Variants in SPDYE1 observed in about 807,000 individuals in gnomAD.
The protein encoded by SPDYE1 is speedy/RINGO cell cycle regulator family member E1.
SPDYE1 carries 29 observed loss-of-function variants against 45.9 expected under a neutral mutation model. The ratio of observed to expected loss-of-function variants is 0.63; its 90% confidence interval spans 0.47 to 0.86. The LOEUF is 0.86. SPDYE1 is among the 40% of genes least tolerant of loss of function. The pLI is 0.00. For missense variants in SPDYE1, 346 were observed against 481.4 expected, an observed-to-expected ratio of 0.72 and a Z score of 2.63; for synonymous variants, 134 against 176.8, an observed-to-expected ratio of 0.76 and a Z score of 1.92.
intron 6 of SPDYE1, among the ~76,000 whole-genome samples, chr7:44,006,108 C>T (rs1351509458): frequency 1.3e-5 from 2 of 152,174 alleles, no homozygotes; most frequent in Non-Finnish European, 2.9e-5. Flanking sequence ...TCAATTCTAC[C>T]CTCTCTACAA....
In SPDYE1 at chr7:44,007,344, C is replaced by A. The variant is rs556611541; in HGVS notation, c.829C>A (p.Arg277Ser). Residue 277 changes from arginine to serine, a missense_variant, in exon 7 of 9, where the codon CGC becomes AGC. Coordinates refer to ENST00000693451, the MANE Select transcript of SPDYE1 (RefSeq NM_001378423.2). ...NIFHFLYGKN[R>S]SRIPLLRKRR... ...CTTCCACTTCCTGTATGGGAAGAAC[C>A]GCTCTCGCATACCCTTGCTCCGTAA... is the stretch of plus-strand genomic sequence containing the variant. 5 of 1,613,002 alleles carry A rather than the reference C, an allele frequency of 3.1e-6. No homozygotes were observed. Among genetic ancestry groups the A allele is most frequent in the Non-Finnish European group, 4.2e-6 (5 of 1,179,620 alleles).
chr7:44,008,185 G>A (rs1376875862), intron 8 of SPDYE1, among the ~76,000 whole-genome samples: 1 of 152,208 alleles, frequency 6.6e-6, no homozygotes. Context: ...TGAAGCTTTG[G>A]TTTACATCTT....
At chr7:43,999,111 C>T (rs1585927198) in intron 1 of SPDYE1, among the ~76,000 whole-genome samples, 2 of 152,052 alleles carry the variant, frequency 1.3e-5, no homozygotes, top group African/African-American at 4.8e-5. Flanking sequence ...GTTTCTTAGC[C>T]GAACTGGAGG....
Position 44,008,000 on chromosome 7 carries a change from G to A in SPDYE1, c.*45+187G>A, listed in dbSNP as rs1046199349. The stretch of plus-strand genomic sequence containing the variant: ...TCCCAACTACTCAGGAGGCCGAGGC[G>A]GGAGGATTGCTGGAGCCTGGAAGGT... On this transcript the variant is annotated intron_variant, in intron 8 of 8. Coordinates refer to ENST00000693451, the MANE Select transcript of SPDYE1 (RefSeq NM_001378423.2). The A allele has an allele frequency of 6.1e-5, 88 of 1,446,182 alleles. 1 individual carries two copies. In the Admixed American group the frequency reaches 1.2e-3, roughly 20 times the overall value. The allele number at this position is 1,446,182 out of a possible 1,614,324, so 89.6% of individuals were successfully genotyped here. A position where few individuals can be genotyped will look rare whatever the true frequency, so the allele number is the denominator to read the frequency against.
At chr7:43,999,246 C>T (rs2096059343) in intron 1 of SPDYE1, among the ~76,000 whole-genome samples, 1 of 152,162 alleles carries the variant, frequency 6.6e-6, no homozygotes, top group African/African-American at 2.4e-5. Context: ...CTCAAAATGT[C>T]TCTTGGACTC....
chr7:44,003,936 T>C, intron 5 of SPDYE1, 25 bp downstream of exon 5: 1 of 1,089,122 alleles, frequency 9.2e-7, no homozygotes, highest in Non-Finnish European at 1.4e-6. Flanking sequence ...CATGTAACTG[T>C]TCCTGTTCCA....
At chr7:44,000,627 A>C (rs2128775895) in intron 2 of SPDYE1, among the ~76,000 whole-genome samples, 1 of 151,586 alleles carries the variant, frequency 6.6e-6, no homozygotes, top group Admixed American at 6.6e-5. Context: ...CCCTGTCTCT[A>C]CTAAAAGTAC....
intron 6 of SPDYE1, among the ~76,000 whole-genome samples, chr7:44,006,223 G>A (rs930539890): frequency 2.0e-5 from 3 of 152,112 alleles, no homozygotes; most frequent in African/African-American, 4.8e-5. Flanking sequence ...TTCTGTCTGG[G>A]TGTCCCGCAT....
intron 6 of SPDYE1, chr7:44,007,062 T>C: frequency 7.5e-7 from 1 of 1,340,616 alleles, no homozygotes; most frequent in South Asian, 1.5e-5. Flanking sequence ...CCAGTTGGGT[T>C]TTTGTCTCCA....
rs56079547 is a variant in SPDYE1 at position 43,999,558 on chromosome 7, C to T, written c.-392C>T. Among the ~76,000 whole-genome samples the T allele has an allele frequency of 2.1e-4, 32 of 151,968 alleles. No individual in the cohort carries two copies. Among genetic ancestry groups the T allele is most frequent in the African/African-American group, 7.5e-4 (31 of 41,426 alleles). On this transcript the variant is annotated 5_prime_UTR_variant, in exon 2 of 9. In the 5' UTR this introduces an upstream ATG that the reference lacks. Transcript: ENST00000693451. ...ACTCTGAAATGGGCACGTACAGAGA[C>T]GAAGAGACCCCAACATGCTTCAGGC...
intron 6 of SPDYE1, among the ~76,000 whole-genome samples, chr7:44,006,256 AC>A (rs1301011201): frequency 6.6e-6 from 1 of 151,554 alleles, no homozygotes; most frequent in Non-Finnish European, 1.5e-5. Context: ...GAAGGGAAGG[AC>A]CCATTCCTTG....
At chr7:44,002,528 G>A in intron 3 of SPDYE1, 62 bp from the exon 4 acceptor site, 1 of 1,521,866 alleles carries the variant, frequency 6.6e-7, no homozygotes, top group African/African-American at 1.4e-5. Context: ...TGGGGTTTTG[G>A]GTCGGGCTCT....
chr7:44,007,992 G>A, intron 8 of SPDYE1, 179 bp downstream of exon 8: 5 of 1,458,590 alleles, frequency 3.4e-6, no homozygotes, highest in Non-Finnish European at 3.6e-6. Flanking sequence ...TACTCAGGAG[G>A]CCGAGGCGGG....
In SPDYE1 at chr7:44,000,006, G is replaced by A. The variant is rs2096060431; in HGVS notation, c.57G>A (p.Thr19=). 2.0e-6 allele frequency: 2 copies of A among 985,200 alleles called. No individual in the cohort carries two copies. The highest frequency in any genetic ancestry group is 3.5e-5 in the African/African-American group (2 of 57,200). 61.0% of individuals were successfully genotyped at this position (985,200 alleles called of 1,614,324 possible). ...GGGGACAGATTACGGGAAAGATCAC[G>A]ACCAGCCGTCAACCGCACCGCCAGA... ...RKRGQITGKI[T]TSRQPHRQNE... The change falls in exon 2 of 9, where the codon ACG becomes ACA. Residue 19 remains threonine (T), a synonymous_variant. Coordinates refer to ENST00000693451, the MANE Select transcript of SPDYE1 (RefSeq NM_001378423.2).
In SPDYE1 at chr7:43,998,091, GGAGA is replaced by G. The variant is rs751646158; in HGVS notation, c.-423+140_-423+143del. Among the ~76,000 whole-genome samples, 390 of 151,942 alleles carry G rather than the reference GGAGA, an allele frequency of 2.6e-3. 1 individual carries two copies. The highest frequency in any genetic ancestry group is 4.3e-3 in the Non-Finnish European group (289 of 67,954). On this transcript the variant is annotated intron_variant, in intron 1 of 8. Transcript: ENST00000693451. The stretch of plus-strand genomic sequence containing the variant: ...CTAATATTTGAAAGCCTGTTAACTA[GGAGA>G]GAGAGAGCAAACGATTTTGTTGTAG...
chr7:44,009,016 A>G lies in SPDYE1; in HGVS notation c.*395A>G, dbSNP rs2096075579. On this transcript the variant is annotated 3_prime_UTR_variant, in exon 9 of 9. Transcript: ENST00000693451. Reference sequence around the variant, plus strand: ...ACGGACTTGGTTGCCACAGTCCAGGAGCATTTGAAGGCACAATGCAGGGGC... The same window carrying G: ...ACGGACTTGGTTGCCACAGTCCAGGGGCATTTGAAGGCACAATGCAGGGGC... The G allele has an allele frequency of 2.7e-6, 1 of 369,094 alleles. No homozygotes were observed. 22.9% of individuals were successfully genotyped at this position (369,094 alleles called of 1,614,324 possible).
intron 7 of SPDYE1, 22 bp downstream of exon 7, chr7:44,007,608 G>A: frequency 3.1e-6 from 5 of 1,612,544 alleles, no homozygotes; most frequent in Non-Finnish European, 4.2e-6. Context: ...CTGGGGAGGT[G>A]GAGGAGGTGG....
At position 44,003,866 on chromosome 7, in the gene SPDYE1, T is replaced by G; in HGVS notation, c.621T>G (p.Ile207Met). 8.8e-7 allele frequency: 1 copy of G among 1,136,020 alleles called. No individual in the cohort carries two copies. The highest frequency in any genetic ancestry group is 1.2e-6 in the Non-Finnish European group (1 of 803,018). The allele number at this position is 1,136,020 out of a possible 1,614,324, so 70.4% of individuals were successfully genotyped here. A position where few individuals can be genotyped will look rare whatever the true frequency, so the allele number is the denominator to read the frequency against. ...CTCTAATCACAGAGGATCCTGTCAT[T>G]AAAAGATTCCTGGCCTGGGACAAAG... The part of the protein sequence containing the change: ...AFNRLLEDPV[I>M]KRFLAWDKDL... Residue 207 changes from isoleucine to methionine, a missense_variant, in exon 5 of 9, where the codon ATT (isoleucine) becomes ATG (methionine). By Grantham distance (10) the Ile-to-Met change is conservative (BLOSUM62 1). Around this residue, in one of 4 missense-constraint regions of SPDYE1, gnomAD observed 4 missense variants for 25.1 expected, o/e 0.16. Coordinates refer to ENST00000693451, the MANE Select transcript of SPDYE1 (RefSeq NM_001378423.2).
Position 44,007,552 on chromosome 7 carries a change from G to C in SPDYE1, c.1037G>C (p.Cys346Ser). The change falls in exon 7 of 9, where the codon TGC becomes TCC. Residue 346 changes from cysteine to serine, a missense_variant. By Grantham distance (112) the Cys-to-Ser change is moderately radical (BLOSUM62 -1). This residue lies in a region of SPDYE1 where 186 missense variants were observed against 219.1 expected (regional missense o/e 0.85). Coordinates refer to ENST00000693451, the MANE Select transcript of SPDYE1 (RefSeq NM_001378423.2). ...TTCCACTTCTTCTGTTCCATGAGCT[G>C]CAGGGCTTGGGTTTCCCCAGAGGAG... is the stretch of plus-strand genomic sequence containing the variant. Reference protein sequence around the residue: ...RRFHFFCSMSCRAWVSPEELE... With the variant: ...RRFHFFCSMSSRAWVSPEELE... The C allele has an allele frequency of 6.2e-7, 1 of 1,613,488 alleles. No homozygotes were observed.
Sources: allele counts gnomAD v4.1 joint callset (sites outside exome capture counted in the v4.1 genomes callset), GRCh38; gene constraint gnomAD v4.1.1; regional missense constraint gnomAD v4.1.1; transcripts MANE v1.5; gene names NCBI Gene and HGNC (gene_info 2026-07-23, HGNC 2026-07-21).